Variants in DEPTOR observed in about 807,000 individuals in gnomAD.
The protein encoded by DEPTOR is DEP domain-containing mTOR-interacting protein.
Under a neutral mutation model 41.6 loss-of-function variants are expected in DEPTOR, and 41 were observed. The ratio of observed to expected loss-of-function variants is 0.98; its 90% CI spans 0.77 to 1.28. The LOEUF (loss-of-function observed/expected upper bound fraction) is 1.28, where lower values mean the gene tolerates loss of function less well. Among genes scored for constraint, DEPTOR ranks in the 50% most tolerant of loss-of-function variants. The pLI is 0.00. For missense variants in DEPTOR, 514 were observed against 527.9 expected (o/e 0.97, Z 0.26); for synonymous variants, 195 against 192.3 (o/e 1.01, Z -0.12).
intron 6 of DEPTOR, among the ~76,000 whole-genome samples, chr8:120,006,544 A>G (rs1812440736): frequency 1.3e-5 from 2 of 150,494 alleles, no homozygotes; most frequent in South Asian, 2.1e-4. Flanking sequence ...AAAAAAATTG[A>G]CCTGCCCCCT....
intron 1 of DEPTOR, among the ~76,000 whole-genome samples, chr8:119,914,652 C>T (rs746548043): frequency 9.2e-5 from 14 of 152,188 alleles, no homozygotes; most frequent in South Asian, 6.2e-4. Flanking sequence ...GTTGGCCAGG[C>T]TGGTCTGGAA....
At chr8:119,992,286 TTA>T (rs1812185323) in intron 4 of DEPTOR, among the ~76,000 whole-genome samples, 1 of 152,188 alleles carries the variant, frequency 6.6e-6, no homozygotes, top group Non-Finnish European at 1.5e-5. Context: ...AGTGAGGGTC[TTA>T]TGTCTTTAAG....
At chr8:119,893,232 C>T (rs1277318051) in intron 1 of DEPTOR, among the ~76,000 whole-genome samples, 1 of 152,168 alleles carries the variant, frequency 6.6e-6, no homozygotes, top group Non-Finnish European at 1.5e-5. Context: ...TATTTATATG[C>T]TTAATTAACC....
chr8:119,912,983 C>T (rs920322030), intron 1 of DEPTOR, among the ~76,000 whole-genome samples: 6 of 151,992 alleles, frequency 3.9e-5, no homozygotes, highest in Non-Finnish European at 7.4e-5. Context: ...TGCAGTGGCC[C>T]GATATTGGCT....
chr8:119,935,351 C>T (rs1586622360), intron 3 of DEPTOR, among the ~76,000 whole-genome samples: 2 of 152,258 alleles, frequency 1.3e-5, no homozygotes, highest in Non-Finnish European at 2.9e-5. Context: ...TCTCTATCCG[C>T]GGCCTTAAGA....
chr8:119,937,497 G>A (rs1472453082), intron 3 of DEPTOR, among the ~76,000 whole-genome samples: 3 of 152,106 alleles, frequency 2.0e-5, no homozygotes, highest in South Asian at 2.1e-4. Flanking sequence ...GAATGTTCCC[G>A]GCCTTCTTGG....
intron 4 of DEPTOR, among the ~76,000 whole-genome samples, chr8:119,984,967 A>C (rs1828811301): frequency 6.6e-6 from 1 of 152,186 alleles, no homozygotes; most frequent in Admixed American, 6.5e-5. Flanking sequence ...CAGGCGGATC[A>C]TGAGGTCAGG....
chr8:120,002,259 C>A (rs1812360957), intron 5 of DEPTOR, among the ~76,000 whole-genome samples: 1 of 152,086 alleles, frequency 6.6e-6, no homozygotes, highest in Non-Finnish European at 1.5e-5. Context: ...CCTGCCTCAG[C>A]CTCCCAAGTA....
chr8:119,913,860 T>C (rs1204907994), intron 1 of DEPTOR, among the ~76,000 whole-genome samples: 1 of 152,068 alleles, frequency 6.6e-6, no homozygotes, highest in Non-Finnish European at 1.5e-5. Flanking sequence ...GCTTGGACAA[T>C]TGTCAAGTTG....
intron 8 of DEPTOR, among the ~76,000 whole-genome samples, chr8:120,027,592 C>T (rs1812818385): frequency 6.6e-6 from 1 of 151,578 alleles, no homozygotes; most frequent in African/African-American, 2.4e-5. Flanking sequence ...GTAATCCCAG[C>T]TACTTGGGAG....
chr8:119,962,118 A>G (rs904582074), intron 3 of DEPTOR, among the ~76,000 whole-genome samples: 1 of 150,512 alleles, frequency 6.6e-6, no homozygotes, highest in Admixed American at 6.7e-5. Context: ...GTAGCTGGAC[A>G]TGGTGGTGCA....
At chr8:119,991,236 C>T (rs937861579) in intron 4 of DEPTOR, among the ~76,000 whole-genome samples, 2 of 151,914 alleles carry the variant, frequency 1.3e-5, no homozygotes, top group African/African-American at 2.4e-5. Context: ...ATATTAAGCC[C>T]AGTGCCCAAT....
At chr8:119,907,245 A>G (rs895543954) in intron 1 of DEPTOR, among the ~76,000 whole-genome samples, 1 of 152,160 alleles carries the variant, frequency 6.6e-6, no homozygotes, top group East Asian at 1.9e-4. Flanking sequence ...GTGAAGTGCA[A>G]TTAACATTGT....
At chr8:120,016,015 T>C (rs879498645) in intron 8 of DEPTOR, among the ~76,000 whole-genome samples, 2 of 152,170 alleles carry the variant, frequency 1.3e-5, no homozygotes, top group Non-Finnish European at 2.9e-5. Context: ...TCTAATGGCC[T>C]CCATTTGCAT....
At chr8:119,951,060 T>TATATAC (rs1312187090) in intron 3 of DEPTOR, among the ~76,000 whole-genome samples, 1 of 128,882 alleles carries the variant, frequency 7.8e-6, no homozygotes, top group African/African-American at 2.7e-5. Flanking sequence ...CTATCTAATA[T>TATATAC]ACACACACAC....
chr8:119,937,652 G>T (rs1828131355), intron 3 of DEPTOR, among the ~76,000 whole-genome samples: 1 of 152,098 alleles, frequency 6.6e-6, no homozygotes, highest in African/African-American at 2.4e-5. Context: ...TACCCTACTT[G>T]CAAGCTCACA....
chr8:119,967,336 T>C (rs1369763920), intron 4 of DEPTOR, among the ~76,000 whole-genome samples: 3 of 151,278 alleles, frequency 2.0e-5, no homozygotes, highest in Non-Finnish European at 4.4e-5. Flanking sequence ...TGCCTCAGCC[T>C]TCCAAAGTGC....
intron 1 of DEPTOR, among the ~76,000 whole-genome samples, chr8:119,885,459 A>G (rs1031959151): frequency 6.6e-6 from 1 of 152,214 alleles, no homozygotes; most frequent in African/African-American, 2.4e-5. Flanking sequence ...TTTCCCTCAC[A>G]TTGCCAATTA....
chr8:120,046,964 A>G (rs11778912), intron 8 of DEPTOR, among the ~76,000 whole-genome samples: 17,071 of 152,272 alleles, frequency 0.11, 1,312 homozygotes, highest in Non-Finnish European at 0.17. Context: ...CCACATGGCC[A>G]TCTACACCTG....
Sources: gnomAD v4.1 joint callset for allele counts (sites outside exome capture counted in the v4.1 genomes callset) on GRCh38, gnomAD v4.1.1 for gene constraint, MANE v1.5 for transcripts, NCBI Gene and HGNC (gene_info 2026-07-23, HGNC 2026-07-21) for gene names.